The following MTUS2 variants were observed in gnomAD, a reference collection of about 807,000 sequenced individuals.
The protein encoded by MTUS2 is microtubule-associated tumor suppressor candidate 2.
Under a neutral mutation model 114.1 loss-of-function variants are expected in MTUS2, and 40 were observed. That is an observed-to-expected ratio of 0.35 (90% CI 0.27 to 0.46). The LOEUF (loss-of-function observed/expected upper bound fraction) is 0.46, where lower values mean the gene tolerates loss of function less well. Ranked by LOEUF, MTUS2 falls within the 20% of genes least tolerant of loss-of-function variation. MTUS2 has a pLI of 1.00. For synonymous variants in MTUS2, 688 were observed against 672.0 expected, an observed-to-expected ratio of 1.02 and a Z score of -0.37; for missense variants, 1,679 against 1,705.4, an observed-to-expected ratio of 0.98 and a Z score of 0.27.
rs1250994333 is a variant in MTUS2, at chr13:29,281,687, C to G, written c.2645-17C>G. Reference sequence around the variant, plus strand: ...TTTTCATGAAGTTATAATTAACACGCTGTCTGCCTCCCACAGGTTCAACCT... The same window carrying G: ...TTTTCATGAAGTTATAATTAACACGGTGTCTGCCTCCCACAGGTTCAACCT... On this transcript the variant is annotated splice_polypyrimidine_tract_variant and intron_variant, in intron 5 of 15. Coordinates refer to ENST00000612955, the MANE Select transcript of MTUS2 (RefSeq NM_001033602.4). 1 of 1,588,706 alleles carries G rather than the reference C, an allele frequency of 6.3e-7. No individual in the cohort carries two copies. Among genetic ancestry groups the G allele is most frequent in the Admixed American group, 1.8e-5 (1 of 56,500 alleles).
At chr13:29,500,840 T>C (rs1296829668) in intron 14 of MTUS2, among the ~76,000 whole-genome samples, 2 of 149,704 alleles carry the variant, frequency 1.3e-5, no homozygotes, top group African/African-American at 4.9e-5. Flanking sequence ...CACACATTGA[T>C]ACATAATATA....
rs1420996462 is a variant in MTUS2 at position 29,057,347 on chromosome 13, CTT to C, written c.2446+23224_2446+23225del. On this transcript the variant is annotated intron_variant, in intron 4 of 15. Coordinates refer to ENST00000612955, the MANE Select transcript of MTUS2 (RefSeq NM_001033602.4). ...ATAATTGAGTTCAGGTTCTGAAAAT[CTT>C]TGTTAGTTTTCTGTCTCAATGATCT... Among the ~76,000 whole-genome samples the C allele has an allele frequency of 2.0e-5, 3 of 151,998 alleles. No homozygotes were observed. In the East Asian group the frequency reaches 5.8e-4, roughly 29 times the overall value.
intron 5 of MTUS2, among the ~76,000 whole-genome samples, chr13:29,104,603 A>C (rs796222336): frequency 2.9e-4 from 44 of 152,252 alleles, no homozygotes; most frequent in African/African-American, 1.0e-3. Context: ...GTAATCTTCA[A>C]CAAGTAGCCA....
intron 8 of MTUS2, among the ~76,000 whole-genome samples, chr13:29,407,286 C>T (rs1874832860): frequency 6.6e-6 from 1 of 151,936 alleles, no homozygotes; most frequent in Non-Finnish European, 1.5e-5. Flanking sequence ...TTTGGGTTTT[C>T]ACTATTAAAA....
intron 5 of MTUS2, among the ~76,000 whole-genome samples, chr13:29,255,706 T>TG (rs578005251): frequency 1.8e-5 from 2 of 113,194 alleles, no homozygotes; most frequent in Middle Eastern, 3.7e-3. Flanking sequence ...GATCACAGCC[T>TG]GGGGGGTGGG....
chr13:29,249,162 A>AT (rs1313835220), intron 5 of MTUS2, among the ~76,000 whole-genome samples: 25 of 151,566 alleles, frequency 1.6e-4, no homozygotes, highest in South Asian at 6.3e-4. Context: ...TAATTTTTGC[A>AT]TTTTTTTTAG....
chr13:29,205,144 A>G (rs1421108941), intron 5 of MTUS2, among the ~76,000 whole-genome samples: 2 of 152,250 alleles, frequency 1.3e-5, no homozygotes, highest in African/African-American at 2.4e-5. Flanking sequence ...GAAAATGAAC[A>G]CAATAAACTT....
At chr13:29,278,661 G>A (rs907020336) in intron 5 of MTUS2, among the ~76,000 whole-genome samples, 1 of 152,216 alleles carries the variant, frequency 6.6e-6, no homozygotes, top group African/African-American at 2.4e-5. Flanking sequence ...AAGCAATTTG[G>A]AAAGCAATTT....
At chr13:29,220,687 T>C (rs1895873020) in intron 5 of MTUS2, among the ~76,000 whole-genome samples, 1 of 152,190 alleles carries the variant, frequency 6.6e-6, no homozygotes, top group Non-Finnish European at 1.5e-5. Flanking sequence ...TGCAGTAATA[T>C]CAAATGTCAC....
chr13:29,355,010 G>T (rs1276880214), intron 7 of MTUS2, among the ~76,000 whole-genome samples: 1 of 152,228 alleles, frequency 6.6e-6, no homozygotes, highest in Admixed American at 6.5e-5. Flanking sequence ...ATGGTGTGAA[G>T]GTCATGGGCC....
At chr13:29,212,427 A>G (rs978956009) in intron 5 of MTUS2, among the ~76,000 whole-genome samples, 5 of 152,150 alleles carry the variant, frequency 3.3e-5, no homozygotes, top group Admixed American at 1.3e-4. Flanking sequence ...CGAGTGTCCT[A>G]CAATTTGATT....
intron 5 of MTUS2, among the ~76,000 whole-genome samples, chr13:29,223,651 G>T (rs1368719645): frequency 6.6e-6 from 1 of 152,196 alleles, no homozygotes; most frequent in African/African-American, 2.4e-5. Flanking sequence ...CATGGGACAA[G>T]AACTTGGGAC....
chr13:29,400,998 C>CTTTTTTTTTTTT (rs1874295546), intron 8 of MTUS2, among the ~76,000 whole-genome samples: 1 of 152,054 alleles, frequency 6.6e-6, no homozygotes, highest in African/African-American at 2.4e-5. Flanking sequence ...TTTTCTTCTT[C>CTTTTTTTTTTTT]TTTTTTTGAG....
intron 7 of MTUS2, among the ~76,000 whole-genome samples, chr13:29,326,797 A>G (rs984230043): frequency 6.6e-6 from 1 of 152,000 alleles, no homozygotes; most frequent in African/African-American, 2.4e-5. Context: ...CCTGACCAAC[A>G]TGGTGAAACC....
chr13:29,427,055 GC>G (rs1223495553), intron 8 of MTUS2, among the ~76,000 whole-genome samples: 2 of 152,190 alleles, frequency 1.3e-5, no homozygotes, highest in Non-Finnish European at 2.9e-5. Flanking sequence ...AGGAGCATTA[GC>G]CCAAGTGAGC....
chr13:28,852,900 A>AAGACATACATACATACATACATAC (rs1176106597), intron 2 of MTUS2, among the ~76,000 whole-genome samples: 1 of 148,490 alleles, frequency 6.7e-6, no homozygotes, highest in African/African-American at 2.5e-5. Context: ...CTCTGTCTTA[A>AAGACATACATACATACATACATAC]ATACATACAT....
chr13:29,109,883 T>G (rs1174554707), intron 5 of MTUS2, among the ~76,000 whole-genome samples: 1 of 152,212 alleles, frequency 6.6e-6, no homozygotes, highest in Non-Finnish European at 1.5e-5. Context: ...TATTCTAGTT[T>G]TGAATTTTTA....
At position 28,971,745 on chromosome 13, in the gene MTUS2, A is replaced by T. The variant is rs75495587; in HGVS notation, c.-242-52712A>T. 2.0e-5 allele frequency among the ~76,000 whole-genome samples: 3 copies of T among 151,640 alleles called. No homozygotes were observed. The East Asian group carries it at 5.8e-4, about 29-fold the overall frequency. On this transcript the variant is annotated intron_variant, in intron 2 of 15. Transcript: ENST00000612955. ...GAGCTCGTTTACTTCTCATATAAAC[A>T]TGTGAGAAAGTGTAGACAAAGAAAC...
At chr13:29,244,427 C>A (rs749332766) in intron 5 of MTUS2, among the ~76,000 whole-genome samples, 10 of 151,772 alleles carry the variant, frequency 6.6e-5, no homozygotes, top group Non-Finnish European at 7.4e-5. Flanking sequence ...CCATGGATCC[C>A]GGGAAAAGGA....
Sources: allele counts gnomAD v4.1 joint callset (sites outside exome capture counted in the v4.1 genomes callset), GRCh38; gene constraint gnomAD v4.1.1; transcripts MANE v1.5; gene names NCBI Gene and HGNC (gene_info 2026-07-23, HGNC 2026-07-21).